The following USH2A variants were observed in gnomAD, a reference collection of about 807,000 sequenced individuals.
The protein encoded by USH2A is Usher syndrome 2A (autosomal recessive, mild).
A neutral mutation model predicts 538.9 loss-of-function variants in USH2A; 443 were observed. That is an observed-to-expected ratio of 0.82 (90% CI 0.76 to 0.89). The LOEUF is 0.89. USH2A is among the 40% of genes least tolerant of loss of function. The pLI is 0.00. For missense variants in USH2A, 6,633 were observed against 6,324.8 expected (o/e 1.05, Z -1.65); for synonymous variants, 2,413 against 2,273.5 (o/e 1.06, Z -1.75).
intron 48 of USH2A, 120 bp from the exon 49 acceptor site, chr1:215,814,024 C>T: frequency 8.7e-7 from 1 of 1,145,934 alleles, no homozygotes; most frequent in Non-Finnish European, 1.3e-6. Flanking sequence ...CCATATTACT[C>T]ATATTTCGTT....
intron 35 of USH2A, among the ~76,000 whole-genome samples, chr1:215,992,619 C>T (rs1668027781): frequency 1.3e-5 from 2 of 152,128 alleles, no homozygotes; most frequent in African/African-American, 4.8e-5. Flanking sequence ...AAATCAAAAG[C>T]GTTTTGACAC....
At chr1:216,007,135 G>C (rs944100589) in intron 32 of USH2A, among the ~76,000 whole-genome samples, 3 of 152,108 alleles carry the variant, frequency 2.0e-5, no homozygotes, top group Non-Finnish European at 4.4e-5. Flanking sequence ...CATGTAAGAT[G>C]TGCCTTTTGC....
At chr1:216,180,979 T>C (rs1403267149) in intron 20 of USH2A, among the ~76,000 whole-genome samples, 1 of 152,110 alleles carries the variant, frequency 6.6e-6, no homozygotes, top group Non-Finnish European at 1.5e-5. Flanking sequence ...CACCAATCAG[T>C]GTCTTAAAGA....
chr1:216,392,491 CAA>C (rs55951311), intron 3 of USH2A, among the ~76,000 whole-genome samples: 1,994 of 49,290 alleles, frequency 0.04, 11 homozygotes, highest in South Asian at 0.07. Flanking sequence ...GACTCCGTCT[CAA>C]AAAAAAAAAA....
At chr1:216,333,573 T>G (rs1418292975) in intron 4 of USH2A, among the ~76,000 whole-genome samples, 1 of 152,050 alleles carries the variant, frequency 6.6e-6, no homozygotes, top group Non-Finnish European at 1.5e-5. Context: ...CTTCCAAAAT[T>G]TGATGAAAAC....
At chr1:216,200,197 A>G in intron 16 of USH2A, 76 bp from the exon 17 acceptor site, 1 of 1,430,720 alleles carries the variant, frequency 7.0e-7, no homozygotes, top group Non-Finnish European at 9.5e-7. Flanking sequence ...CTGCTTTCCT[A>G]TCATATTATT....
chr1:216,399,256 C>T (rs1466131726), intron 3 of USH2A, among the ~76,000 whole-genome samples: 1 of 152,154 alleles, frequency 6.6e-6, no homozygotes, highest in East Asian at 1.9e-4. Context: ...CCTCTGGTGT[C>T]AGTGGGACCA....
chr1:216,162,055 T>C (rs1297319077), intron 21 of USH2A, among the ~76,000 whole-genome samples: 1 of 152,102 alleles, frequency 6.6e-6, no homozygotes, highest in Non-Finnish European at 1.5e-5. Flanking sequence ...TATGGTTTGC[T>C]AAACTTTGTT....
intron 67 of USH2A, among the ~76,000 whole-genome samples, chr1:215,645,064 C>A (rs1479032327): frequency 6.6e-6 from 1 of 152,150 alleles, no homozygotes; most frequent in Non-Finnish European, 1.5e-5. Context: ...GGGGTATATG[C>A]AGGTAGCTTT....
chr1:215,879,354 C>T (rs1664852643), intron 41 of USH2A, among the ~76,000 whole-genome samples: 1 of 152,194 alleles, frequency 6.6e-6, no homozygotes, highest in South Asian at 2.1e-4. Flanking sequence ...CTGATACACA[C>T]CTTAGCGATT....
intron 30 of USH2A, among the ~76,000 whole-genome samples, chr1:216,050,765 C>G (rs528115818): frequency 6.6e-6 from 1 of 150,886 alleles, no homozygotes; most frequent in Non-Finnish European, 1.5e-5. Flanking sequence ...CCACCACGCC[C>G]GGCTAATTTT....
intron 9 of USH2A, among the ~76,000 whole-genome samples, chr1:216,305,614 T>G (rs2037302095): frequency 6.6e-6 from 1 of 152,102 alleles, no homozygotes; most frequent in Non-Finnish European, 1.5e-5. Context: ...CCTGTGAGAT[T>G]TATGCTTTAA....
chr1:216,326,482 G>A (rs554359370), intron 5 of USH2A, among the ~76,000 whole-genome samples: 1 of 152,220 alleles, frequency 6.6e-6, no homozygotes, highest in African/African-American at 2.4e-5. Context: ...TTTTGAATGG[G>A]ACCAAAAGCT....
chr1:215,947,966 T>C lies in USH2A; in HGVS notation c.7121-13171A>G, dbSNP rs560057690. Among the ~76,000 whole-genome samples, 352 of 152,254 alleles carry C rather than the reference T, an allele frequency of 2.3e-3. 3 individuals carry two copies. Among genetic ancestry groups the C allele is most frequent in the African/African-American group, 8.3e-3 (345 of 41,570 alleles). Reference sequence around the variant, plus strand: ...AAGATAATAAGAAAATCTATTATCATGAAGACATAAATTATTAGGGAAAAG... The same window carrying C: ...AAGATAATAAGAAAATCTATTATCACGAAGACATAAATTATTAGGGAAAAG... On this transcript the variant is annotated intron_variant, in intron 37 of 71. Coordinates refer to ENST00000307340, the MANE Select transcript of USH2A (RefSeq NM_206933.4).
At chr1:216,081,889 A>C (rs1010741407) in intron 26 of USH2A, among the ~76,000 whole-genome samples, 1 of 151,478 alleles carries the variant, frequency 6.6e-6, no homozygotes, top group African/African-American at 2.4e-5. Context: ...GAGCCACTGC[A>C]CCCAGCCTTA....
At chr1:215,699,058 C>T (rs534720603) in intron 61 of USH2A, among the ~76,000 whole-genome samples, 8 of 152,296 alleles carry the variant, frequency 5.3e-5, no homozygotes, top group South Asian at 4.1e-4. Context: ...TTTCCCAACA[C>T]TGTTTATTAA....
intron 3 of USH2A, among the ~76,000 whole-genome samples, chr1:216,366,742 C>CTTT (rs2038607792): frequency 6.6e-6 from 1 of 152,054 alleles, no homozygotes; most frequent in Non-Finnish European, 1.5e-5. Context: ...TTTCTTAAAT[C>CTTT]CATTGATCTA....
chr1:216,105,361 GT>G (rs34761385), intron 21 of USH2A, among the ~76,000 whole-genome samples: 12 of 149,828 alleles, frequency 8.0e-5, no homozygotes, highest in African/African-American at 1.5e-4. Flanking sequence ...AAGCTTTATT[GT>G]TTTTTTTTGA....
At position 216,046,605 on chromosome 1, in the gene USH2A, A is replaced by G. The variant is rs778440566; in HGVS notation, c.6164-13T>C. The stretch of plus-strand genomic sequence containing the variant: ...ACCTCTTGTGGGGCTGTGGAAGAAA[A>G]GATTTATAGAGTCTAATTTTAGTTT... On this transcript the variant is annotated splice_polypyrimidine_tract_variant and intron_variant, in intron 31 of 71. Coordinates refer to ENST00000307340, the MANE Select transcript of USH2A (RefSeq NM_206933.4). The G allele has an allele frequency of 1.2e-6, 2 of 1,613,576 alleles. No homozygotes were observed. Among genetic ancestry groups the G allele is most frequent in the South Asian group, 1.1e-5 (1 of 91,070 alleles).
Sources: gnomAD v4.1 joint callset for allele counts (sites outside exome capture counted in the v4.1 genomes callset) on GRCh38, gnomAD v4.1.1 for gene constraint, MANE v1.5 for transcripts, NCBI Gene and HGNC (gene_info 2026-07-23, HGNC 2026-07-21) for gene names.